WDR70: variants seen among roughly 807,000 people sequenced by gnomAD.
The protein encoded by WDR70 is WD repeat-containing protein 70.
A neutral mutation model predicts 88.6 loss-of-function variants in WDR70; 53 were observed. The ratio of observed to expected loss-of-function variants is 0.60; its 90% confidence interval spans 0.48 to 0.75. The LOEUF is 0.75. Ranked by LOEUF, WDR70 falls within the 30% of genes least tolerant of loss-of-function variation. The probability of loss-of-function intolerance (pLI) is 0.00; values close to 1 mark genes in which losing one functional copy is unlikely to be tolerated. For missense variants in WDR70, 610 were observed against 823.2 expected (o/e 0.74, Z 3.17); for synonymous variants, 280 against 270.0 (o/e 1.04, Z -0.36).
intron 13 of WDR70, among the ~76,000 whole-genome samples, chr5:37,708,792 G>A (rs1747430124): frequency 6.6e-6 from 1 of 152,128 alleles, no homozygotes; most frequent in Admixed American, 6.5e-5. Context: ...CCTCAGAAAT[G>A]GCTTTGGAAT....
intron 9 of WDR70, among the ~76,000 whole-genome samples, chr5:37,546,843 G>T (rs1258901892): frequency 6.6e-6 from 1 of 152,020 alleles, no homozygotes; most frequent in African/African-American, 2.4e-5. Context: ...GCCTGAACCT[G>T]GGAGGCAGAG....
intron 9 of WDR70, among the ~76,000 whole-genome samples, chr5:37,534,661 C>T (rs981733310): frequency 6.6e-6 from 1 of 151,988 alleles, no homozygotes; most frequent in Non-Finnish European, 1.5e-5. Flanking sequence ...CCACACCTGG[C>T]TAATTTTTGT....
chr5:37,484,005 G>C, intron 8 of WDR70, among the ~76,000 whole-genome samples: 1 of 152,122 alleles, frequency 6.6e-6, no homozygotes, highest in East Asian at 1.9e-4. Flanking sequence ...TGGGCGGCCG[G>C]GCAGAGACGC....
chr5:37,438,915 T>TTTTTTG (rs1554139616), intron 6 of WDR70, among the ~76,000 whole-genome samples: 1 of 151,060 alleles, frequency 6.6e-6, no homozygotes, highest in African/African-American at 2.4e-5. Context: ...TTCGTTTTTT[T>TTTTTTG]TTTTGTTTTG....
chr5:37,628,794 G>T (rs1744737260), intron 10 of WDR70, among the ~76,000 whole-genome samples: 1 of 152,056 alleles, frequency 6.6e-6, no homozygotes, highest in Non-Finnish European at 1.5e-5. Context: ...CATTTTTATG[G>T]TTAGGTGGTT....
At chr5:37,489,574 G>A (rs1739999532) in intron 8 of WDR70, among the ~76,000 whole-genome samples, 1 of 152,112 alleles carries the variant, frequency 6.6e-6, no homozygotes, top group Non-Finnish European at 1.5e-5. Context: ...TGGGCAGGGT[G>A]AACCCCCAGG....
chr5:37,399,227 G>A (rs11737940), intron 5 of WDR70, among the ~76,000 whole-genome samples: 12,064 of 152,206 alleles, frequency 0.079, 538 homozygotes, highest in Non-Finnish European at 0.095. Context: ...GCAGTGAGCC[G>A]AGATGGCGCC....
chr5:37,518,457 GT>G (rs935736464), intron 9 of WDR70, among the ~76,000 whole-genome samples: 7 of 151,992 alleles, frequency 4.6e-5, no homozygotes, highest in African/African-American at 1.7e-4. Flanking sequence ...ACATGCAATG[GT>G]TGTCTGCGTG....
At chr5:37,740,020 A>AC (rs1429761865) in intron 17 of WDR70, among the ~76,000 whole-genome samples, 1 of 152,200 alleles carries the variant, frequency 6.6e-6, no homozygotes, top group African/African-American at 2.4e-5. Flanking sequence ...GAATTTGTGG[A>AC]CCAGCTTTTA....
chr5:37,586,531 G>T (rs1027005812), intron 9 of WDR70, among the ~76,000 whole-genome samples: 1 of 151,992 alleles, frequency 6.6e-6, no homozygotes, highest in African/African-American at 2.4e-5. Flanking sequence ...CCTACATTAG[G>T]TATTTCTCCT....
chr5:37,571,315 G>A lies in WDR70; in HGVS notation c.918-33749G>A, dbSNP rs923894909. On this transcript the variant is annotated intron_variant, in intron 9 of 17. Coordinates refer to ENST00000265107, the MANE Select transcript of WDR70 (RefSeq NM_018034.4). ...ATTGCTATTGAACATAGGAGAAGGA[G>A]GTAGATAGGTAATAATCTATAATTG... 2.0e-5 allele frequency among the ~76,000 whole-genome samples: 3 copies of A among 152,120 alleles called. 1 individual carries two copies. Among genetic ancestry groups the A allele is most frequent in the Admixed American group, 1.3e-4 (2 of 15,270 alleles).
chr5:37,530,034 G>A (rs181950673), intron 9 of WDR70, among the ~76,000 whole-genome samples: 2 of 152,224 alleles, frequency 1.3e-5, no homozygotes, highest in Admixed American at 6.5e-5. Flanking sequence ...ATCATAAAAC[G>A]ATGTTGGATT....
chr5:37,544,178 A>G (rs1581381714), intron 9 of WDR70, among the ~76,000 whole-genome samples: 1 of 152,158 alleles, frequency 6.6e-6, no homozygotes, highest in African/African-American at 2.4e-5. Context: ...TCTGCATTGG[A>G]TTATACATAA....
At chr5:37,601,921 G>T (rs1743894726) in intron 9 of WDR70, among the ~76,000 whole-genome samples, 1 of 152,132 alleles carries the variant, frequency 6.6e-6, no homozygotes, top group Admixed American at 6.5e-5. Flanking sequence ...CCTTTGCAGG[G>T]ACATGGATGA....
intron 17 of WDR70, among the ~76,000 whole-genome samples, chr5:37,732,359 C>T (rs1018169365): frequency 6.6e-6 from 1 of 152,070 alleles, no homozygotes; most frequent in Non-Finnish European, 1.5e-5. Flanking sequence ...ATTATTTTTA[C>T]TTTATGTACC....
chr5:37,730,542 T>C (rs190754367), intron 17 of WDR70, among the ~76,000 whole-genome samples: 218 of 152,268 alleles, frequency 1.4e-3, no homozygotes, highest in Middle Eastern at 3.4e-3. Flanking sequence ...TTGATTTTCA[T>C]AGTTGCATAG....
chr5:37,605,829 T>C (rs138728390), intron 10 of WDR70, among the ~76,000 whole-genome samples: 3 of 152,306 alleles, frequency 2.0e-5, no homozygotes, highest in Non-Finnish European at 2.9e-5. Flanking sequence ...AGCCCTTGGC[T>C]AGTTCTGTCA....
intron 10 of WDR70, among the ~76,000 whole-genome samples, chr5:37,629,102 T>A (rs1581448209): frequency 6.6e-6 from 1 of 152,236 alleles, no homozygotes; most frequent in African/African-American, 2.4e-5. Flanking sequence ...GAATATATCA[T>A]CCCATTCTCT....
intron 10 of WDR70, among the ~76,000 whole-genome samples, chr5:37,679,194 G>A (rs192033710): frequency 0.032 from 4,826 of 152,182 alleles, 104 homozygotes; most frequent in Middle Eastern, 0.11. Flanking sequence ...CCTGTAGCTC[G>A]TAGTAGTTTG....
Sources: gnomAD v4.1 joint callset for allele counts (sites outside exome capture counted in the v4.1 genomes callset) on GRCh38, gnomAD v4.1.1 for gene constraint, MANE v1.5 for transcripts, NCBI Gene and HGNC (gene_info 2026-07-23, HGNC 2026-07-21) for gene names.